The following TBC1D4 variants were observed in gnomAD, a reference collection of about 807,000 sequenced individuals.
The protein encoded by TBC1D4 is TBC (Tre-2, BUB2, CDC16) domain-containing protein.
TBC1D4 carries 121 observed loss-of-function variants against 142.5 expected under a neutral mutation model. The ratio of observed to expected loss-of-function variants is 0.85; its 90% CI spans 0.73 to 0.99. TBC1D4 has a LOEUF of 0.99. TBC1D4 is among the 50% of genes least tolerant of loss of function. The pLI, the probability that TBC1D4 is intolerant of heterozygous loss-of-function variation, is 0.00. For missense variants in TBC1D4, 1,475 were observed against 1,606.6 expected, an observed-to-expected ratio of 0.92 and a Z score of 1.40; for synonymous variants, 630 against 628.2, an observed-to-expected ratio of 1.00 and a Z score of -0.04.
chr13:75,316,697 T>C (rs186644774), intron 12 of TBC1D4: 30 of 152,314 alleles, frequency 2.0e-4, no homozygotes, highest in Middle Eastern at 6.8e-3. Context: ...AAGGTGGCAA[T>C]TGCAAGAATC....
chr13:75,381,072 T>C (rs969349230), intron 1 of TBC1D4, among the ~76,000 whole-genome samples: 2 of 152,214 alleles, frequency 1.3e-5, no homozygotes, highest in African/African-American at 4.8e-5. Context: ...CTATAAAAAC[T>C]GTGAGAATAA....
intron 1 of TBC1D4, among the ~76,000 whole-genome samples, chr13:75,376,730 T>C (rs2138234938): frequency 6.6e-6 from 1 of 152,336 alleles, no homozygotes; most frequent in Non-Finnish European, 1.5e-5. Context: ...GAAACAGTAA[T>C]AGGGCAATAA....
In TBC1D4 at chr13:75,283,978, TCA is replaced by T. The variant is rs1874477976; in HGVS notation, c.*2812_*2813del. The stretch of plus-strand genomic sequence containing the variant: ...AGTGGCATGATGGCTCACTGCAAGC[TCA>T]CTGCAAGCTCCGCCTCCCAGGTTCA... On this transcript the variant is annotated 3_prime_UTR_variant, in exon 21 of 21. Coordinates refer to ENST00000377636, the MANE Select transcript of TBC1D4 (RefSeq NM_014832.5). 1.2e-4 allele frequency among the ~76,000 whole-genome samples: 18 copies of T among 152,218 alleles called. No individual in the cohort carries two copies. In the South Asian group the frequency reaches 3.3e-3, roughly 28 times the overall value.
chr13:75,364,124 G>A (rs1033665996), intron 1 of TBC1D4, among the ~76,000 whole-genome samples: 15 of 152,178 alleles, frequency 9.9e-5, no homozygotes, highest in Admixed American at 6.5e-4. Context: ...GTTCCAGATC[G>A]TAGGTGGATT....
intron 1 of TBC1D4, among the ~76,000 whole-genome samples, chr13:75,400,202 C>T (rs1237636529): frequency 6.6e-6 from 1 of 152,194 alleles, no homozygotes; most frequent in African/African-American, 2.4e-5. Context: ...TCTCTCCCTC[C>T]TTTCACCCCA....
chr13:75,451,800 T>C (rs1415160724), intron 1 of TBC1D4, among the ~76,000 whole-genome samples: 2 of 150,150 alleles, frequency 1.3e-5, no homozygotes, highest in Non-Finnish European at 3.0e-5. Context: ...ACACTAAATA[T>C]ATGCATGCAA....
chr13:75,369,680 C>T (rs758713694), intron 1 of TBC1D4, among the ~76,000 whole-genome samples: 4 of 152,134 alleles, frequency 2.6e-5, no homozygotes, highest in Non-Finnish European at 5.9e-5. Flanking sequence ...TCAGGTTTTT[C>T]ATATGCAAAA....
chr13:75,299,599 T>A (rs752230597), intron 16 of TBC1D4, 25 bp from the exon 17 acceptor site: 2 of 1,613,236 alleles, frequency 1.2e-6, no homozygotes, highest in South Asian at 2.2e-5. Flanking sequence ...AAGGAAAATA[T>A]TTTTTGAAAT....
rs1056755295 is a variant in TBC1D4 at position 75,410,646 on chromosome 13, C to T, written c.499-48039G>A. Among the ~76,000 whole-genome samples the T allele has an allele frequency of 3.9e-5, 6 of 152,096 alleles. No homozygotes were observed. In the East Asian group the frequency reaches 9.7e-4, roughly 24 times the overall value. The stretch of plus-strand genomic sequence containing the variant: ...TAAAAAATAACTACTTTAGAAATAC[C>T]GAAGGGGAGGCCGGGCGCGGTGGCT... On this transcript the variant is annotated intron_variant, in intron 1 of 20. Coordinates refer to ENST00000377636, the MANE Select transcript of TBC1D4 (RefSeq NM_014832.5).
At chr13:75,418,675 C>T (rs76700027) in intron 1 of TBC1D4, among the ~76,000 whole-genome samples, 6,083 of 152,278 alleles carry the variant, frequency 0.04, 163 homozygotes, top group Middle Eastern at 0.068. Context: ...CTTGAAGACA[C>T]AGCCTTACAT....
chr13:75,366,133 A>G (rs1882894253), intron 1 of TBC1D4, among the ~76,000 whole-genome samples: 1 of 152,226 alleles, frequency 6.6e-6, no homozygotes, highest in Non-Finnish European at 1.5e-5. Flanking sequence ...CAACCCACAG[A>G]GCCTAATGAC....
intron 1 of TBC1D4, among the ~76,000 whole-genome samples, chr13:75,417,632 C>A (rs532890795): frequency 6.6e-6 from 1 of 152,058 alleles, no homozygotes; most frequent in Non-Finnish European, 1.5e-5. Flanking sequence ...AGGAGGGGCA[C>A]GCATGAAAGG....
chr13:75,335,210 C>G (rs1880094294), intron 8 of TBC1D4, among the ~76,000 whole-genome samples: 1 of 152,162 alleles, frequency 6.6e-6, no homozygotes, highest in Non-Finnish European at 1.5e-5. Flanking sequence ...CAGATTCCCT[C>G]CTTACTGCAA....
intron 1 of TBC1D4, among the ~76,000 whole-genome samples, chr13:75,473,303 T>A (rs975924823): frequency 4.6e-5 from 7 of 152,196 alleles, no homozygotes; most frequent in Non-Finnish European, 1.5e-5. Context: ...TAAATGTATT[T>A]GTCCAAGTTA....
chr13:75,376,118 C>T (rs1883491378), intron 1 of TBC1D4: 1 of 152,030 alleles, frequency 6.6e-6, no homozygotes, highest in South Asian at 2.1e-4. Flanking sequence ...AAAGAAAGAA[C>T]TCAAGTCAAA....
chr13:75,303,684 C>T (rs1365569470), intron 15 of TBC1D4, among the ~76,000 whole-genome samples: 1 of 152,190 alleles, frequency 6.6e-6, no homozygotes, highest in African/African-American at 2.4e-5. Flanking sequence ...AGAGTTTGTA[C>T]AAGCTGAAAG....
At chr13:75,411,022 T>C (rs1377115612) in intron 1 of TBC1D4, among the ~76,000 whole-genome samples, 2 of 146,380 alleles carry the variant, frequency 1.4e-5, no homozygotes, top group Non-Finnish European at 3.0e-5. Flanking sequence ...ACATTTCACA[T>C]AGACCATGAA....
At chr13:75,287,121 A>ATTTTATT in intron 20 of TBC1D4, 96 bp from the exon 21 acceptor site, 4 of 1,035,310 alleles carry the variant, frequency 3.9e-6, no homozygotes, top group Non-Finnish European at 4.4e-6. Flanking sequence ...ATTACTTAAT[A>ATTTTATT]AAATATTATG....
intron 1 of TBC1D4, among the ~76,000 whole-genome samples, chr13:75,416,016 C>G (rs1885901389): frequency 6.6e-6 from 1 of 152,182 alleles, no homozygotes. Flanking sequence ...TGATTTGTAA[C>G]TGAAATTAGG....
Sources: allele counts gnomAD v4.1 joint callset (sites outside exome capture counted in the v4.1 genomes callset), GRCh38; gene constraint gnomAD v4.1.1; transcripts MANE v1.5; gene names NCBI Gene and HGNC (gene_info 2026-07-23, HGNC 2026-07-21).